Variants in DNAJB14 observed in about 807,000 individuals in gnomAD.
DNAJB14 encodes DnaJ heat shock protein family (Hsp40) member B14.
DNAJB14 carries 22 observed loss-of-function variants against 48.4 expected under a neutral mutation model. The ratio of observed to expected loss-of-function variants is 0.45; its 90% CI spans 0.32 to 0.65. The LOEUF (loss-of-function observed/expected upper bound fraction) is 0.65, where lower values mean the gene tolerates loss of function less well. Ranked by LOEUF, DNAJB14 falls within the 30% of genes least tolerant of loss-of-function variation. The pLI is 0.03. For synonymous variants in DNAJB14, 142 were observed against 158.7 expected (o/e 0.89, Z 0.79); for missense variants, 319 against 458.8 (o/e 0.70, Z 2.78).
In DNAJB14 at chr4:99,899,581, C is replaced by A. The variant is rs1220505543; in HGVS notation, c.*1447G>T. The A allele has an allele frequency of 4.6e-5, 7 of 151,896 alleles. No individual in the cohort carries two copies. Among genetic ancestry groups the A allele is most frequent in the African/African-American group, 1.5e-4 (6 of 41,320 alleles). The allele number at this position is 151,896 out of a possible 1,614,324, so 9.4% of individuals were successfully genotyped here. A position where few individuals can be genotyped will look rare whatever the true frequency, so the allele number is the denominator to read the frequency against. On this transcript the variant is annotated 3_prime_UTR_variant, in exon 8 of 8. Transcript: ENST00000442697. Reference sequence around the variant, plus strand: ...TTTTAGCAGTTTTATTCAACAGATGCCATAAATTAACTACATTCAGGAAAA... The same window carrying A: ...TTTTAGCAGTTTTATTCAACAGATGACATAAATTAACTACATTCAGGAAAA...
intron 2 of DNAJB14, chr4:99,926,024 C>T (rs28706589): frequency 0.45 from 68,076 of 151,952 alleles, 16,342 homozygotes; most frequent in African/African-American, 0.63. Flanking sequence ...TTTGCAATTG[C>T]TTTTGGTGCT....
At chr4:99,946,280 G>A (rs956004954) in intron 1 of DNAJB14, among the ~76,000 whole-genome samples, 159 bp downstream of exon 1, 1 of 152,132 alleles carries the variant, frequency 6.6e-6, no homozygotes, top group Non-Finnish European at 1.5e-5. Context: ...GGCCAGGGCG[G>A]GGGTGTGTCG....
chr4:99,905,226 AAAGTC>A (rs1237698810), intron 6 of DNAJB14, among the ~76,000 whole-genome samples: 1 of 151,894 alleles, frequency 6.6e-6, no homozygotes, highest in Non-Finnish European at 1.5e-5. Context: ...AATGAAGAGT[AAAGTC>A]ATTTTCCCCT....
At chr4:99,906,113 T>C in intron 5 of DNAJB14, 1 of 1,313,724 alleles carries the variant, frequency 7.6e-7, no homozygotes, top group Non-Finnish European at 9.9e-7. Context: ...TCTAGTCTAG[T>C]GCTCTTTCCA....
At chr4:99,934,764 C>T (rs1726604883) in intron 1 of DNAJB14, among the ~76,000 whole-genome samples, 1 of 117,740 alleles carries the variant, frequency 8.5e-6, no homozygotes, top group Non-Finnish European at 1.6e-5. Flanking sequence ...TGCACTCCAG[C>T]CTGGGTGACA....
At chr4:99,923,276 A>G in intron 2 of DNAJB14, 91 bp from the exon 3 acceptor site, 1 of 1,168,222 alleles carries the variant, frequency 8.6e-7, no homozygotes, top group Admixed American at 2.9e-5. Flanking sequence ...TACTATAAAG[A>G]ACTATCTGTG....
chr4:99,899,365 A>C lies in DNAJB14; in HGVS notation c.*1663T>G, dbSNP rs878947798. ...ACTTACTCTGCAGGCTCAACAAAAT[A>C]ATTAAAATTGTATTTTCTCTTAAGC... On this transcript the variant is annotated 3_prime_UTR_variant, in exon 8 of 8. Coordinates refer to ENST00000442697, the MANE Select transcript of DNAJB14 (RefSeq NM_001031723.4). 2 of 152,134 alleles carry C rather than the reference A, an allele frequency of 1.3e-5. No individual in the cohort carries two copies. The highest frequency in any genetic ancestry group is 4.1e-4 in the South Asian group (2 of 4,832). The allele number at this position is 152,134 out of a possible 1,614,324, so 9.4% of individuals were successfully genotyped here.
rs182992083 is a variant in DNAJB14 at position 99,900,086 on chromosome 4, C to T, written c.*942G>A. 1 of 152,372 alleles carries T rather than the reference C, an allele frequency of 6.6e-6. No homozygotes were observed. The highest frequency in any genetic ancestry group is 2.4e-5 in the African/African-American group (1 of 41,512). The allele number at this position is 152,372 out of a possible 1,614,324, so 9.4% of individuals were successfully genotyped here. ...ATTTTAGTACTCATTTTTCTTATTA[C>T]TTATTTGTAAAGGAACTTCTTTGGA... is the stretch of plus-strand genomic sequence containing the variant. On this transcript the variant is annotated 3_prime_UTR_variant, in exon 8 of 8. Transcript: ENST00000442697.
intron 1 of DNAJB14, among the ~76,000 whole-genome samples, chr4:99,935,017 A>C (rs1344485923): frequency 6.6e-6 from 1 of 151,808 alleles, no homozygotes; most frequent in Non-Finnish European, 1.5e-5. Context: ...AAGACAAAAA[A>C]ATTTCAAGAG....
intron 1 of DNAJB14, among the ~76,000 whole-genome samples, chr4:99,932,759 G>T (rs970968309): frequency 2.0e-5 from 3 of 152,218 alleles, no homozygotes; most frequent in Admixed American, 1.3e-4. Flanking sequence ...TCAACTGATG[G>T]ATAATGATAT....
intron 7 of DNAJB14, among the ~76,000 whole-genome samples, chr4:99,902,156 CAG>C (rs1725317116): frequency 6.6e-6 from 1 of 152,082 alleles, no homozygotes; most frequent in South Asian, 2.1e-4. Context: ...TAACGAATGG[CAG>C]AGTCTAGATT....
At chr4:99,914,196 T>C (rs991190281) in intron 3 of DNAJB14, among the ~76,000 whole-genome samples, 2 of 152,052 alleles carry the variant, frequency 1.3e-5, no homozygotes, top group Admixed American at 1.3e-4. Context: ...AGGCTACACC[T>C]CCCAACACTG....
chr4:99,933,084 G>A (rs1440774036), intron 1 of DNAJB14, among the ~76,000 whole-genome samples: 2 of 152,040 alleles, frequency 1.3e-5, no homozygotes, highest in African/African-American at 4.8e-5. Flanking sequence ...TAATTGTTGT[G>A]CAGCTCTGTT....
In DNAJB14 at chr4:99,908,901, A is replaced by G; in HGVS notation, c.452-5T>C. ...CAGCATAAGCATTTCCAATCTCTGA[A>G]AAAGTAATGAGTAAAAGTTGGTAAG... On this transcript the variant is annotated splice_region_variant and splice_polypyrimidine_tract_variant and intron_variant, in intron 3 of 7. Transcript: ENST00000442697. 1 of 1,536,930 alleles carries G rather than the reference A, an allele frequency of 6.5e-7. No homozygotes were observed. The highest frequency in any genetic ancestry group is 8.7e-7 in the Non-Finnish European group (1 of 1,146,022).
At chr4:99,944,231 C>CA (rs1726985161) in intron 1 of DNAJB14, among the ~76,000 whole-genome samples, 1 of 152,052 alleles carries the variant, frequency 6.6e-6, no homozygotes, top group Admixed American at 6.6e-5. Flanking sequence ...CTATCAAAAC[C>CA]AACAAAAACA....
intron 3 of DNAJB14, among the ~76,000 whole-genome samples, chr4:99,916,635 T>C (rs536331941): frequency 6.6e-5 from 10 of 152,330 alleles, no homozygotes; most frequent in African/African-American, 2.4e-4. Flanking sequence ...GAATTCCATT[T>C]TGACTTATCA....
intron 1 of DNAJB14, among the ~76,000 whole-genome samples, chr4:99,939,160 G>A (rs183978684): frequency 2.1e-4 from 32 of 152,212 alleles, no homozygotes; most frequent in African/African-American, 7.0e-4. Flanking sequence ...TCAGGAGTTC[G>A]AGACCAGCCT....
chr4:99,921,378 A>G (rs533428498), intron 3 of DNAJB14, among the ~76,000 whole-genome samples: 1 of 152,298 alleles, frequency 6.6e-6, no homozygotes, highest in Non-Finnish European at 1.5e-5. Flanking sequence ...GTAAAACCCC[A>G]CTGAGTGTCT....
chr4:99,903,274 G>C (rs1725354645), intron 7 of DNAJB14, among the ~76,000 whole-genome samples: 1 of 151,888 alleles, frequency 6.6e-6, no homozygotes, highest in South Asian at 2.1e-4. Context: ...TGTGTACAAA[G>C]TAAAGAAAAA....
Sources: allele counts gnomAD v4.1 joint callset (sites outside exome capture counted in the v4.1 genomes callset), GRCh38; gene constraint gnomAD v4.1.1; transcripts MANE v1.5; gene names NCBI Gene and HGNC (gene_info 2026-07-23, HGNC 2026-07-21).